C5orf58: variants seen among roughly 807,000 people sequenced by gnomAD.
C5orf58 encodes the protein putative uncharacterized protein C5orf58.
A neutral mutation model predicts 2.9 loss-of-function variants in C5orf58; 2 were observed. The ratio of observed to expected loss-of-function variants is 0.69; its 90% CI spans 0.28 to 2.18. The LOEUF (loss-of-function observed/expected upper bound fraction) is 2.18. Among genes scored for constraint, C5orf58 ranks in the 30% most tolerant of loss-of-function variants. C5orf58 has a pLI of 0.13. For missense variants in C5orf58, 96 were observed against 91.7 expected (o/e 1.05, Z -0.19); for synonymous variants, 37 against 33.4 (o/e 1.11, Z -0.37).
At position 170,235,001 on chromosome 5, in the gene C5orf58, C is replaced by T. The variant is rs1280594895; in HGVS notation, c.25C>T (p.His9Tyr). The T allele has an allele frequency of 1.9e-6, 3 of 1,541,518 alleles. No individual in the cohort carries two copies. In the African/African-American group the frequency reaches 4.1e-5, roughly 21 times the overall value. The stretch of plus-strand genomic sequence containing the variant: ...GATGGGTAAGAAGCGTGTTACTGAT[C>T]ATAAGCTAAATGTGGACAAAGTAAT... MGKKRVTD[H>Y]KLNVDKVIKN... Residue 9 changes from histidine (H) to tyrosine (Y), a missense_variant, in exon 3 of 4, where the codon CAT (histidine) becomes TAT (tyrosine). Transcript: ENST00000593851.
intron 3 of C5orf58, among the ~76,000 whole-genome samples, chr5:170,239,776 A>G (rs952554215): frequency 1.3e-5 from 2 of 149,442 alleles, no homozygotes; most frequent in Non-Finnish European, 3.0e-5. Flanking sequence ...CATAAATCTT[A>G]TTTTTTTTTT....
chr5:170,242,442 G>A (rs2113116349), intron 3 of C5orf58, among the ~76,000 whole-genome samples: 2 of 129,332 alleles, frequency 1.5e-5, no homozygotes, highest in East Asian at 4.3e-4. Flanking sequence ...ATTGATTATT[G>A]CCCCAATTTC....
downstream of C5orf58, chr5:170,248,551 A>G (rs1472718391): frequency 7.5e-6 from 6 of 802,834 alleles, no homozygotes; most frequent in Non-Finnish European, 1.2e-5. Flanking sequence ...CATTTCAAAC[A>G]CTGTTTTTAA....
downstream of C5orf58, chr5:170,248,647 G>C: frequency 3.7e-6 from 6 of 1,604,726 alleles, no homozygotes; most frequent in Non-Finnish European, 5.1e-6. Context: ...GATTGATCTC[G>C]TGTTGGCAAC....
intron 3 of C5orf58, among the ~76,000 whole-genome samples, chr5:170,240,113 T>A (rs1760927644): frequency 6.6e-6 from 1 of 150,816 alleles, no homozygotes; most frequent in Non-Finnish European, 1.5e-5. Context: ...ACTCATCATT[T>A]TTTATGGCTG....
Position 170,246,216 on chromosome 5 carries a change from ATAATG to A in C5orf58, c.*107_*111del. 1 of 967,594 alleles carries A rather than the reference ATAATG, an allele frequency of 1.0e-6. No homozygotes were observed. 59.9% of individuals were successfully genotyped at this position (967,594 alleles called of 1,614,324 possible). A position where few individuals can be genotyped will look rare whatever the true frequency, so the allele number is the denominator to read the frequency against. The stretch of plus-strand genomic sequence containing the variant: ...ATATATAATTTAAAACAAAATAAAA[ATAATG>A]TAAACAAGCAGTTCATGTTCTTGAA... On this transcript the variant is annotated 3_prime_UTR_variant, in exon 4 of 4. Coordinates refer to ENST00000593851, the MANE Select transcript of C5orf58 (RefSeq NM_001102609.3).
At chr5:170,247,365 A>G (rs1761322352), downstream of C5orf58, 1 of 152,208 alleles carries the variant, frequency 6.6e-6, no homozygotes, top group African/African-American at 2.4e-5. Context: ...ATTTTAACAT[A>G]TCATCAGTTT....
chr5:170,245,715 G>A (rs867810298), intron 3 of C5orf58, among the ~76,000 whole-genome samples: 15 of 152,324 alleles, frequency 9.8e-5, no homozygotes, highest in South Asian at 6.2e-4. Flanking sequence ...AGATGGAAAT[G>A]CAGAAATCAC....
chr5:170,246,744 G>A (rs1040271668), downstream of C5orf58: 1 of 152,336 alleles, frequency 6.6e-6, no homozygotes, highest in Non-Finnish European at 1.5e-5. Flanking sequence ...GCTTTAGTAA[G>A]ATGTTTATCA....
At chr5:170,249,392 A>G (rs566010225), downstream of C5orf58, among the ~76,000 whole-genome samples, 1 of 143,604 alleles carries the variant, frequency 7.0e-6, no homozygotes, top group African/African-American at 2.8e-5. Context: ...CTACATATCT[A>G]TATATATATA....
downstream of C5orf58, among the ~76,000 whole-genome samples, chr5:170,249,392 A>ACAT (rs747762744): frequency 1.4e-5 from 2 of 143,564 alleles, no homozygotes; most frequent in African/African-American, 5.6e-5. Context: ...CTACATATCT[A>ACAT]TATATATATA....
chr5:170,234,275 TGCTAATTGAGATG>T, intron 2 of C5orf58, 77 bp downstream of exon 2: 1 of 861,676 alleles, frequency 1.2e-6, no homozygotes, highest in Non-Finnish European at 1.8e-6. Context: ...GAGTTGTGTA[TGCTAATTGAGATG>T]GAGTTTTTCA....
intron 3 of C5orf58, chr5:170,237,222 A>G: frequency 2.5e-6 from 1 of 398,334 alleles, no homozygotes; most frequent in Non-Finnish European, 4.4e-6. Context: ...TGGTAAATGT[A>G]GAGGATTAAA....
chr5:170,251,386 A>G (rs1761438931), intron 2 of C5orf58: 1 of 216,732 alleles, frequency 4.6e-6, no homozygotes, highest in Admixed American at 4.9e-5. Context: ...CAGACCCTTG[A>G]GCAAAATTGA....
At chr5:170,245,783 A>G (rs1333673387) in intron 3 of C5orf58, among the ~76,000 whole-genome samples, 179 bp from the exon 4 acceptor site, 1 of 152,258 alleles carries the variant, frequency 6.6e-6, no homozygotes, top group African/African-American at 2.4e-5. Flanking sequence ...CTATTCAGCC[A>G]TCTTGGCTCC....
At chr5:170,250,880 G>C (rs1214429995), downstream of C5orf58, 2 of 1,612,792 alleles carry the variant, frequency 1.2e-6, no homozygotes, top group Non-Finnish European at 1.7e-6. Context: ...CCAGAAATGT[G>C]CCATCCTAAA....
At chr5:170,248,927 G>GC, downstream of C5orf58, 6 of 1,093,656 alleles carry the variant, frequency 5.5e-6, no homozygotes, top group South Asian at 1.4e-5. Context: ...AAGTGATGAG[G>GC]ATTGTGGGGG....
intron 3 of C5orf58, among the ~76,000 whole-genome samples, chr5:170,245,353 T>C (rs376516836): frequency 6.6e-6 from 1 of 152,204 alleles, no homozygotes; most frequent in Non-Finnish European, 1.5e-5. Flanking sequence ...TGGGCAATGG[T>C]GGGCGCCCCT....
intron 1 of C5orf58, 67 bp from the exon 2 acceptor site, chr5:170,234,048 C>G: frequency 1.1e-6 from 1 of 932,434 alleles, no homozygotes; most frequent in Non-Finnish European, 1.6e-6. Context: ...CAGCTGACAT[C>G]CTGGAGAATG....
Sources: gnomAD v4.1 joint callset for allele counts (sites outside exome capture counted in the v4.1 genomes callset) on GRCh38, gnomAD v4.1.1 for gene constraint, MANE v1.5 for transcripts, NCBI Gene and HGNC (gene_info 2026-07-23, HGNC 2026-07-21) for gene names.